Variants in LHPP observed in about 807,000 individuals in gnomAD.
The protein encoded by LHPP is hLHPP.
Under a neutral mutation model 30.3 loss-of-function variants are expected in LHPP, and 24 were observed. That is an observed-to-expected ratio of 0.79 (90% CI 0.57 to 1.11). LHPP has a LOEUF of 1.11. Among genes scored for constraint, LHPP ranks in the 50% most tolerant of loss-of-function variants. The probability of loss-of-function intolerance (pLI) is 0.00; values close to 1 mark genes in which losing one functional copy is unlikely to be tolerated. For missense variants in LHPP, 356 were observed against 367.2 expected (o/e 0.97, Z 0.25); for synonymous variants, 150 against 157.1 (o/e 0.95, Z 0.34).
chr10:124,607,064 T>TTCC (rs1949104529), intron 6 of LHPP, among the ~76,000 whole-genome samples: 1 of 152,196 alleles, frequency 6.6e-6, no homozygotes, highest in South Asian at 2.1e-4. Context: ...TGTCTGTCTC[T>TTCC]TCCTCCTCCT....
At chr10:124,484,361 G>A in intron 2 of LHPP, 35 bp downstream of exon 2, 4 of 1,587,172 alleles carry the variant, frequency 2.5e-6, no homozygotes, top group Non-Finnish European at 3.5e-6. Flanking sequence ...TCACGGGGGT[G>A]AAAGCTCCCC....
At position 124,590,077 on chromosome 10, in the gene LHPP, T is replaced by C. The variant is rs1420611755; in HGVS notation, c.717-23187T>C. On this transcript the variant is annotated intron_variant, in intron 6 of 6. Transcript: ENST00000368842. This position sits in a 1 kb window ranked among gnomAD's most constrained non-coding sequence, Gnocchi z 4.3. ...CGTGATTGACTGGCTTTGCAGGTTT[T>C]TTATCCATCGTTCTTTCCAAAGAAT... is the stretch of plus-strand genomic sequence containing the variant. Among the ~76,000 whole-genome samples, 1 of 152,226 alleles carries C rather than the reference T, an allele frequency of 6.6e-6. No individual in the cohort carries two copies. The highest frequency in any genetic ancestry group is 2.4e-5 in the African/African-American group (1 of 41,466).
At chr10:124,507,845 T>TG (rs1554884295) in intron 5 of LHPP, among the ~76,000 whole-genome samples, 1 of 26,516 alleles carries the variant, frequency 3.8e-5, no homozygotes, top group African/African-American at 1.8e-4. Context: ...GGATTTCAGG[T>TG]GGGGGGGTAG....
At chr10:124,536,648 G>A (rs1205337997) in intron 6 of LHPP, among the ~76,000 whole-genome samples, 2 of 152,214 alleles carry the variant, frequency 1.3e-5, no homozygotes, top group East Asian at 3.8e-4. Context: ...GACAGGCAGG[G>A]CAGGGCTGCA....
rs1271054049 is a variant in LHPP, at chr10:124,541,094, G to A, written c.716+23823G>A. 6.6e-6 allele frequency among the ~76,000 whole-genome samples: 1 copy of A among 152,244 alleles called. No homozygotes were observed. The highest frequency in any genetic ancestry group is 2.1e-4 in the South Asian group (1 of 4,828). Reference sequence around the variant, plus strand: ...CCCCCAAATCACAAAGTGGCCCTGGGCCCTGGGATGGCCGGAGGAGAGCCT... The same window carrying A: ...CCCCCAAATCACAAAGTGGCCCTGGACCCTGGGATGGCCGGAGGAGAGCCT... On this transcript the variant is annotated intron_variant, in intron 6 of 6. Coordinates refer to ENST00000368842, the MANE Select transcript of LHPP (RefSeq NM_022126.4). The surrounding 1 kb of genome is among the most constrained non-coding windows in gnomAD (Gnocchi z 4.2).
At chr10:124,529,016 T>C (rs1954815066) in intron 6 of LHPP, among the ~76,000 whole-genome samples, 1 of 139,816 alleles carries the variant, frequency 7.2e-6, no homozygotes, top group African/African-American at 2.6e-5. Context: ...GTTTGTGAAT[T>C]TGGGGGATTC....
intron 6 of LHPP, among the ~76,000 whole-genome samples, chr10:124,606,305 G>A (rs558171476): frequency 4.3e-4 from 65 of 152,328 alleles, no homozygotes; most frequent in Non-Finnish European, 6.0e-4. Flanking sequence ...GACGATGGAC[G>A]GGAGCAGTGC....
In LHPP at chr10:124,461,835, G is replaced by T. The variant is rs562876610; in HGVS notation, c.-28G>T. On this transcript the variant is annotated 5_prime_UTR_variant, in exon 1 of 7. Transcript: ENST00000368842. ...CGCCGGCGCCGGCGTCGGTTGGGAC[G>T]CGGAGCTGAGGAGCAGGGCCGGGCG... is the stretch of plus-strand genomic sequence containing the variant. 3.2e-4 allele frequency: 397 copies of T among 1,229,830 alleles called. 1 individual carries two copies. In the African/African-American group the frequency reaches 5.7e-3, roughly 18 times the overall value. The allele number at this position is 1,229,830 out of a possible 1,614,324, so 76.2% of individuals were successfully genotyped here.
At chr10:124,574,850 G>C (rs995320518) in intron 6 of LHPP, among the ~76,000 whole-genome samples, 1 of 152,060 alleles carries the variant, frequency 6.6e-6, no homozygotes, top group African/African-American at 2.4e-5. Flanking sequence ...CCAGGTCATG[G>C]GCTCCAGGCT....
chr10:124,545,189 G>T (rs912528634), intron 6 of LHPP, among the ~76,000 whole-genome samples: 4 of 152,202 alleles, frequency 2.6e-5, no homozygotes, highest in African/African-American at 9.7e-5. Context: ...GCTCCCTCCA[G>T]ATGGACAAAA....
At chr10:124,513,186 A>G (rs1954353995) in intron 5 of LHPP, among the ~76,000 whole-genome samples, 1 of 151,752 alleles carries the variant, frequency 6.6e-6, no homozygotes, top group South Asian at 2.1e-4. Context: ...TCAGCCTCCC[A>G]AGTAGCTGGG....
At chr10:124,522,373 C>T (rs1456359416) in intron 6 of LHPP, among the ~76,000 whole-genome samples, 4 of 152,204 alleles carry the variant, frequency 2.6e-5, no homozygotes, top group African/African-American at 4.8e-5. Context: ...TTCCTGCTGC[C>T]CAGGCCCTGG....
chr10:124,535,564 T>TA (rs1274460326), intron 6 of LHPP, among the ~76,000 whole-genome samples: 1 of 136,944 alleles, frequency 7.3e-6, no homozygotes, highest in South Asian at 2.4e-4. Flanking sequence ...CCTGGCTAAT[T>TA]AAAAAAACAT....
At chr10:124,514,795 C>CTTT (rs112586813) in intron 5 of LHPP, among the ~76,000 whole-genome samples, 1 of 146,530 alleles carries the variant, frequency 6.8e-6, no homozygotes, top group South Asian at 2.1e-4. Context: ...TCTCATCTCA[C>CTTT]TTTTTTTTTT....
At chr10:124,465,055 G>T (rs994930171) in intron 1 of LHPP, among the ~76,000 whole-genome samples, 28 of 152,280 alleles carry the variant, frequency 1.8e-4, no homozygotes, top group African/African-American at 6.0e-4. Context: ...TCACAGGTAG[G>T]CCTAAGGGGT....
chr10:124,526,723 C>T (rs940308764), intron 6 of LHPP, among the ~76,000 whole-genome samples: 2 of 152,168 alleles, frequency 1.3e-5, no homozygotes, highest in African/African-American at 4.8e-5. Context: ...GTCATTAGAC[C>T]CCACCCACCC....
intron 6 of LHPP, among the ~76,000 whole-genome samples, chr10:124,595,874 T>C (rs917082067): frequency 2.0e-5 from 3 of 152,228 alleles, no homozygotes; most frequent in African/African-American, 7.2e-5. Context: ...GATGAATCTG[T>C]ACACACCGCT....
intron 6 of LHPP, chr10:124,612,902 G>A (rs1453997883): frequency 1.1e-5 from 3 of 274,084 alleles, no homozygotes; most frequent in Non-Finnish European, 2.1e-5. Flanking sequence ...TGTGGGGTGA[G>A]CCCCTGGGGA....
rs1373904022 is a variant in LHPP, at chr10:124,541,116, G to GC, written c.716+23847dup. ...TGGGCCCTGGGATGGCCGGAGGAGA[G>GC]CCTGCCATACCCACGCAGTGTGCCT... On this transcript the variant is annotated intron_variant, in intron 6 of 6. Transcript: ENST00000368842. This position sits in a 1 kb window ranked among gnomAD's most constrained non-coding sequence, Gnocchi z 4.2. 6.6e-6 allele frequency among the ~76,000 whole-genome samples: 1 copy of GC among 152,192 alleles called. No individual in the cohort carries two copies. The highest frequency in any genetic ancestry group is 1.5e-5 in the Non-Finnish European group (1 of 68,028).
Sources: allele counts gnomAD v4.1 joint callset (sites outside exome capture counted in the v4.1 genomes callset), GRCh38; gene constraint gnomAD v4.1.1; non-coding constraint Gnocchi (gnomAD v3.1); transcripts MANE v1.5; gene names NCBI Gene and HGNC (gene_info 2026-07-23, HGNC 2026-07-21).